The following PCDHGA3 variants were observed in gnomAD, a reference collection of about 807,000 sequenced individuals.
PCDHGA3 encodes the protein protocadherin gamma-A3.
In PCDHGA3, 40 loss-of-function variants were observed where a neutral mutation model predicts 58.5. The ratio of observed to expected loss-of-function variants is 0.68; its 90% CI spans 0.53 to 0.89. The LOEUF is 0.89. Ranked by LOEUF, PCDHGA3 falls within the 40% of genes least tolerant of loss-of-function variation. The probability of loss-of-function intolerance (pLI) is 0.00; values close to 1 mark genes in which losing one functional copy is unlikely to be tolerated. For missense variants in PCDHGA3, 1,223 were observed against 1,195.9 expected, an observed-to-expected ratio of 1.02 and a Z score of -0.33; for synonymous variants, 530 against 525.7, an observed-to-expected ratio of 1.01 and a Z score of -0.11.
intron 1 of PCDHGA3, among the ~76,000 whole-genome samples, chr5:141,382,211 G>A (rs1778048764): frequency 6.6e-6 from 1 of 152,054 alleles, no homozygotes; most frequent in African/African-American, 2.4e-5. Flanking sequence ...ATTAAAATAG[G>A]TCTATATATT....
intron 1 of PCDHGA3, chr5:141,393,436 A>G: frequency 1.2e-6 from 2 of 1,614,028 alleles, no homozygotes; most frequent in Middle Eastern, 1.6e-4. Flanking sequence ...GAGGCTGCTC[A>G]CCACCTGGTC....
At chr5:141,474,607 A>C (rs1334447439) in intron 1 of PCDHGA3, among the ~76,000 whole-genome samples, 1 of 152,238 alleles carries the variant, frequency 6.6e-6, no homozygotes, top group Non-Finnish European at 1.5e-5. Context: ...TAGGTCACAT[A>C]TGGCTTTTCA....
chr5:141,431,921 G>C lies in PCDHGA3; in HGVS notation c.2425-62886G>C, dbSNP rs775520324. ...CGGACAGGTGATCTGTTTCATCCAA[G>C]GAAATCTGCCCTTTAAATTAGAAAA... On this transcript the variant is annotated intron_variant, in intron 1 of 3. Transcript: ENST00000253812. This position sits in a 1 kb window ranked among gnomAD's most constrained non-coding sequence, Gnocchi z 4.8. 8.7e-6 allele frequency: 14 copies of C among 1,614,024 alleles called. No individual in the cohort carries two copies. Among genetic ancestry groups the C allele is most frequent in the Non-Finnish European group, 1.2e-5 (14 of 1,179,998 alleles).
At chr5:141,484,383 A>C (rs968059260) in intron 1 of PCDHGA3, among the ~76,000 whole-genome samples, 1 of 152,194 alleles carries the variant, frequency 6.6e-6, no homozygotes, top group Non-Finnish European at 1.5e-5. Context: ...ATGTCTGAAT[A>C]AGAAAGGTTT....
Position 141,344,798 on chromosome 5 carries a change from G to T in PCDHGA3, c.765G>T (p.Val255=). 6.2e-7 allele frequency: 1 copy of T among 1,613,974 alleles called. No homozygotes were observed. The highest frequency in any genetic ancestry group is 8.5e-7 in the Non-Finnish European group (1 of 1,179,900). ...ACCGTGTGAGTGTTTGGGAGAACGT[G>T]CCTGTGGGTACCCGGCTGCTCACGG... ...PEYRVSVWEN[V]PVGTRLLTVN... The change falls in exon 1 of 4, where the codon GTG becomes GTT. Residue 255 remains valine, a synonymous_variant. Transcript: ENST00000253812.
chr5:141,420,242 A>T (rs1241562871), intron 1 of PCDHGA3: 1 of 1,586,666 alleles, frequency 6.3e-7, no homozygotes, highest in Non-Finnish European at 8.6e-7. Context: ...TTTAACTCCC[A>T]GCGTTGAAGC....
chr5:141,423,131 A>C (rs370773437), intron 1 of PCDHGA3: 1 of 1,613,538 alleles, frequency 6.2e-7, no homozygotes. Flanking sequence ...GCACTGCTGG[A>C]CAGAGACGCG....
chr5:141,408,240 C>T (rs1012868761), intron 1 of PCDHGA3: 89 of 1,578,820 alleles, frequency 5.6e-5, no homozygotes, highest in Non-Finnish European at 7.3e-5. Context: ...CGGGCCGGCC[C>T]GCGGCAGGTG....
At position 141,477,687 on chromosome 5, in the gene PCDHGA3, C is replaced by A. The variant is rs1206813120; in HGVS notation, c.2425-17120C>A. The A allele has an allele frequency of 5.6e-6, 9 of 1,614,022 alleles. No homozygotes were observed. The highest frequency in any genetic ancestry group is 7.6e-6 in the Non-Finnish European group (9 of 1,180,040). ...AATGGCATAGTGTCATCCTTAGTGC[C>A]CCTAGACTATGAGGATCGGCGGGAA... On this transcript the variant is annotated intron_variant, in intron 1 of 3. Coordinates refer to ENST00000253812, the MANE Select transcript of PCDHGA3 (RefSeq NM_018916.4). This position sits in a 1 kb window ranked among gnomAD's most constrained non-coding sequence, Gnocchi z 4.9.
chr5:141,454,101 A>T (rs2098781558), intron 1 of PCDHGA3, among the ~76,000 whole-genome samples: 1 of 152,256 alleles, frequency 6.6e-6, no homozygotes. Flanking sequence ...ATTGAACATA[A>T]ATGGAGTTAT....
rs201120335 is a variant in PCDHGA3, at chr5:141,389,439, G to T, written c.2424+42982G>T. On this transcript the variant is annotated intron_variant, in intron 1 of 3. Transcript: ENST00000253812. ...GGTGGTGTTCGCGCAGCGCGCCTTC[G>T]ACCACGAGCAGCTGCGCGCCTTCGA... The T allele has an allele frequency of 4.0e-4, 652 of 1,610,462 alleles. No individual in the cohort carries two copies. The highest frequency in any genetic ancestry group is 5.4e-4 in the Non-Finnish European group (638 of 1,178,376).
At chr5:141,371,014 A>T in intron 1 of PCDHGA3, 1 of 1,614,008 alleles carries the variant, frequency 6.2e-7, no homozygotes, top group Non-Finnish European at 8.5e-7. Context: ...GAGCAGCCAC[A>T]TCACCACCTG....
intron 1 of PCDHGA3, among the ~76,000 whole-genome samples, chr5:141,379,797 G>C (rs1775829191): frequency 6.6e-6 from 1 of 150,836 alleles, no homozygotes; most frequent in African/African-American, 2.4e-5. Flanking sequence ...GGCTATCTGA[G>C]GTTTTGAGAG....
intron 1 of PCDHGA3, chr5:141,395,711 G>A (rs2093302364): frequency 1.3e-5 from 2 of 154,440 alleles, no homozygotes; most frequent in African/African-American, 4.8e-5. Context: ...CCTGTAACTA[G>A]GCTCTTGTAG....
intron 1 of PCDHGA3, among the ~76,000 whole-genome samples, chr5:141,353,973 C>G (rs560651740): frequency 1.2e-4 from 18 of 152,342 alleles, no homozygotes; most frequent in Admixed American, 1.1e-3. Context: ...AACTGATGTA[C>G]TGCTTTATCT....
chr5:141,400,128 G>T, intron 1 of PCDHGA3: 1 of 1,614,080 alleles, frequency 6.2e-7, no homozygotes, highest in Non-Finnish European at 8.5e-7. Context: ...TGCAGGAGGT[G>T]CTGCCGGATA....
At chr5:141,360,456 T>A (rs1588550793) in intron 1 of PCDHGA3, 1 of 1,613,990 alleles carries the variant, frequency 6.2e-7, no homozygotes, top group Non-Finnish European at 8.5e-7. Flanking sequence ...TGGATTTCGA[T>A]ACTGTCGCTG....
At chr5:141,384,661 G>C (rs777530436) in intron 1 of PCDHGA3, 1 of 1,614,226 alleles carries the variant, frequency 6.2e-7, no homozygotes. Context: ...CGGCTACCTG[G>C]TGACCAAGGT....
At chr5:141,505,983 C>G (rs1235662535) in intron 3 of PCDHGA3, among the ~76,000 whole-genome samples, 1 of 152,148 alleles carries the variant, frequency 6.6e-6, no homozygotes, top group Non-Finnish European at 1.5e-5. Context: ...GAGAGAACAC[C>G]TCCTCTTTAT....
Sources: allele counts gnomAD v4.1 joint callset (sites outside exome capture counted in the v4.1 genomes callset), GRCh38; gene constraint gnomAD v4.1.1; non-coding constraint Gnocchi (gnomAD v3.1); transcripts MANE v1.5; gene names NCBI Gene and HGNC (gene_info 2026-07-23, HGNC 2026-07-21).